The following EPHA6 variants were observed in gnomAD, a reference collection of about 807,000 sequenced individuals.
The protein encoded by EPHA6 is EPH receptor A6, also known as ephrin type-A receptor 6.
In EPHA6, 50 loss-of-function variants were observed where a neutral mutation model predicts 112.0. That is an observed-to-expected ratio of 0.45 (90% CI 0.36 to 0.56). The LOEUF is 0.56. Among genes scored for constraint, EPHA6 ranks in the 20% least tolerant of loss-of-function variants. EPHA6 has a pLI of 0.00. For missense variants in EPHA6, 1,280 were observed against 1,417.4 expected (o/e 0.90, Z 1.56); for synonymous variants, 529 against 490.7 (o/e 1.08, Z -1.03).
At chr3:97,226,219 T>C in intron 3 of EPHA6, 45 bp from the exon 4 acceptor site, 1 of 1,511,946 alleles carries the variant, frequency 6.6e-7, no homozygotes, top group Non-Finnish European at 9.0e-7. Context: ...AATAAAAGAA[T>C]CCTAGCAATA....
chr3:97,210,377 T>C (rs1439882296), intron 3 of EPHA6, among the ~76,000 whole-genome samples: 1 of 152,064 alleles, frequency 6.6e-6, no homozygotes. Context: ...TCAGATCTCA[T>C]GATAACTCAC....
intron 3 of EPHA6, among the ~76,000 whole-genome samples, chr3:96,992,739 TA>T (rs1201870525): frequency 2.0e-5 from 3 of 152,328 alleles, no homozygotes; most frequent in Admixed American, 1.3e-4. Context: ...CTGGTTTTTA[TA>T]ATTTTTGAAC....
chr3:97,282,394 T>G (rs978949512), intron 5 of EPHA6, among the ~76,000 whole-genome samples: 1 of 152,188 alleles, frequency 6.6e-6, no homozygotes, highest in Non-Finnish European at 1.5e-5. Context: ...GGTGGGAATG[T>G]AAATTAGTTC....
At chr3:97,084,006 T>C (rs2046806896) in intron 3 of EPHA6, among the ~76,000 whole-genome samples, 1 of 150,404 alleles carries the variant, frequency 6.6e-6, no homozygotes, top group African/African-American at 2.4e-5. Flanking sequence ...AGCAGATGCA[T>C]GTCAAACCCT....
chr3:97,289,792 G>T (rs551123917), intron 5 of EPHA6, among the ~76,000 whole-genome samples: 50 of 152,010 alleles, frequency 3.3e-4, no homozygotes, highest in South Asian at 8.3e-4. Flanking sequence ...TTGGTTACCT[G>T]TATTCCTATG....
intron 2 of EPHA6, among the ~76,000 whole-genome samples, chr3:96,936,878 C>T (rs112971187): frequency 0.016 from 2,451 of 152,158 alleles, 66 homozygotes; most frequent in African/African-American, 0.05. Flanking sequence ...TTTGTCCTTG[C>T]GATAGTTTGC....
chr3:97,302,432 A>G (rs2081131750), intron 5 of EPHA6, among the ~76,000 whole-genome samples: 2 of 150,804 alleles, frequency 1.3e-5, no homozygotes, highest in African/African-American at 4.9e-5. Context: ...GCCTGATGTC[A>G]TTACACAGAG....
intron 3 of EPHA6, among the ~76,000 whole-genome samples, chr3:97,041,352 T>C (rs1461587592): frequency 6.6e-6 from 1 of 152,084 alleles, no homozygotes; most frequent in Non-Finnish European, 1.5e-5. Context: ...GCCTGGAGTG[T>C]ATAGATGGAA....
intron 11 of EPHA6, among the ~76,000 whole-genome samples, chr3:97,567,679 G>C (rs753689345): frequency 1.2e-4 from 19 of 152,186 alleles, no homozygotes; most frequent in Admixed American, 6.5e-4. Context: ...GATCGAGGCA[G>C]AGATTGGACT....
chr3:97,663,137 C>A (rs1178217515), intron 14 of EPHA6, among the ~76,000 whole-genome samples: 1 of 152,248 alleles, frequency 6.6e-6, no homozygotes, highest in East Asian at 1.9e-4. Context: ...TAGGAAGTAT[C>A]ATGGGGTAGG....
intron 3 of EPHA6, among the ~76,000 whole-genome samples, chr3:96,996,818 A>C (rs560230347): frequency 6.6e-6 from 1 of 152,206 alleles, no homozygotes; most frequent in Admixed American, 6.6e-5. Context: ...ATTGACTTCC[A>C]CTTAAACTCA....
At chr3:97,028,035 T>C (rs1470140815) in intron 3 of EPHA6, among the ~76,000 whole-genome samples, 1 of 152,140 alleles carries the variant, frequency 6.6e-6, no homozygotes, top group Non-Finnish European at 1.5e-5. Context: ...TAAACAACTT[T>C]GGCATCATTT....
At chr3:97,486,095 A>G (rs1418251290) in intron 10 of EPHA6, among the ~76,000 whole-genome samples, 2 of 152,250 alleles carry the variant, frequency 1.3e-5, no homozygotes, top group Non-Finnish European at 2.9e-5. Context: ...GCAAAAAATA[A>G]CTACTAAAGA....
intron 3 of EPHA6, among the ~76,000 whole-genome samples, chr3:96,988,785 C>T (rs982708585): frequency 1.7e-4 from 26 of 151,958 alleles, no homozygotes; most frequent in Admixed American, 3.9e-4. Context: ...ATGTTAACAT[C>T]GCAAAATGCT....
intron 1 of EPHA6, among the ~76,000 whole-genome samples, chr3:96,832,322 G>T (rs1012044378): frequency 2.0e-5 from 3 of 151,944 alleles, no homozygotes; most frequent in African/African-American, 7.2e-5. Context: ...ACCATCGATA[G>T]AATATTAACA....
chr3:96,882,226 A>G (rs1000898985), intron 2 of EPHA6, among the ~76,000 whole-genome samples: 1 of 152,054 alleles, frequency 6.6e-6, no homozygotes, highest in Non-Finnish European at 1.5e-5. Context: ...TCCCTTCCAC[A>G]CTGCCTTAGC....
In EPHA6 at chr3:97,640,556, A is replaced by G. The variant is rs939411798; in HGVS notation, c.2784+2474A>G. Among the ~76,000 whole-genome samples the G allele has an allele frequency of 2.6e-5, 4 of 152,106 alleles. No homozygotes were observed. In the South Asian group the frequency reaches 6.2e-4, roughly 24 times the overall value. The stretch of plus-strand genomic sequence containing the variant: ...GAAGCCGAGGGGAGCGGATCACCTG[A>G]GGTCGGAAGCTAGAGACCAGCCCGA... On this transcript the variant is annotated intron_variant, in intron 14 of 17. Transcript: ENST00000389672.
chr3:97,518,001 A>T (rs114388511), intron 10 of EPHA6, among the ~76,000 whole-genome samples: 2,197 of 152,260 alleles, frequency 0.014, 36 homozygotes, highest in African/African-American at 0.047. Flanking sequence ...CCAATAATAG[A>T]CACCTATGTT....
At chr3:97,364,347 T>TTG (rs1388340053) in intron 5 of EPHA6, among the ~76,000 whole-genome samples, 2 of 151,122 alleles carry the variant, frequency 1.3e-5, no homozygotes, top group African/African-American at 4.8e-5. Context: ...AGTTTTAGTT[T>TTG]TTTTTTTTTT....
Sources: allele counts gnomAD v4.1 joint callset (sites outside exome capture counted in the v4.1 genomes callset), GRCh38; gene constraint gnomAD v4.1.1; transcripts MANE v1.5; gene names NCBI Gene and HGNC (gene_info 2026-07-23, HGNC 2026-07-21).